CLEC17A: variants seen among roughly 807,000 people sequenced by gnomAD.
The protein encoded by CLEC17A is C-type lectin domain family 17, member A.
CLEC17A carries 37 observed loss-of-function variants against 61.3 expected under a neutral mutation model. The observed-to-expected ratio is 0.60, with a 90% CI of 0.46 to 0.79. The LOEUF (loss-of-function observed/expected upper bound fraction) is 0.79, where lower values mean the gene tolerates loss of function less well. CLEC17A is among the 30% of genes least tolerant of loss of function. CLEC17A has a pLI of 0.00. For synonymous variants in CLEC17A, 168 were observed against 164.9 expected (o/e 1.02, Z -0.14); for missense variants, 418 against 464.7 (o/e 0.90, Z 0.92).
At chr19:14,608,628 ATTTTTTTT>A (rs71166765) in intron 13 of CLEC17A, among the ~76,000 whole-genome samples, 4 of 119,728 alleles carry the variant, frequency 3.3e-5, no homozygotes, top group South Asian at 2.7e-4. Context: ...ATGAGGAAGA[ATTTTTTTT>A]TTTTTTTTTT....
At chr19:14,583,255 G>A in intron 1 of CLEC17A, 52 bp downstream of exon 1, 1 of 1,613,492 alleles carries the variant, frequency 6.2e-7, no homozygotes, top group Middle Eastern at 1.7e-4. Context: ...CAGGACCCAG[G>A]GTACAGAATC....
intron 10 of CLEC17A, among the ~76,000 whole-genome samples, chr19:14,597,867 GT>G (rs2146709375): frequency 6.6e-6 from 1 of 152,246 alleles, no homozygotes; most frequent in Non-Finnish European, 1.5e-5. Flanking sequence ...GCCTCCTGAA[GT>G]GTTTCGTGCC....
At chr19:14,598,907 C>G (rs2146713974) in intron 10 of CLEC17A, among the ~76,000 whole-genome samples, 1 of 152,038 alleles carries the variant, frequency 6.6e-6, no homozygotes, top group Middle Eastern at 3.4e-3. Context: ...CTGCAGTGAA[C>G]CACGATTGCA....
intron 12 of CLEC17A, 142 bp from the exon 13 acceptor site, chr19:14,606,851 G>C: frequency 2.8e-6 from 1 of 359,812 alleles, no homozygotes; most frequent in Non-Finnish European, 5.0e-6. Flanking sequence ...CATTGATCCT[G>C]TTCTGCATAC....
chr19:14,609,974 G>T, intron 13 of CLEC17A, 90 bp from the exon 14 acceptor site: 1 of 958,162 alleles, frequency 1.0e-6, no homozygotes, highest in South Asian at 1.5e-5. Flanking sequence ...CAAATGCGTA[G>T]TGCCAGGTAT....
In CLEC17A at chr19:14,592,498, C is replaced by G. The variant is rs1251842405; in HGVS notation, c.277+140C>G. 5 of 1,490,498 alleles carry G rather than the reference C, an allele frequency of 3.4e-6. No individual in the cohort carries two copies. The East Asian group carries it at 9.9e-5, about 29-fold the overall frequency. 92.3% of individuals were successfully genotyped at this position (1,490,498 alleles called of 1,614,324 possible). Reference sequence around the variant, plus strand: ...AGGCACTGTGCAACACACACCCTGCCCAGGAGGACCTGTCAGTCTGATGGC... The same window carrying G: ...AGGCACTGTGCAACACACACCCTGCGCAGGAGGACCTGTCAGTCTGATGGC... On this transcript the variant is annotated intron_variant, in intron 4 of 13. Transcript: ENST00000417570.
chr19:14,610,119 AAC>A lies in CLEC17A; in HGVS notation c.1062_1063del (p.Asn354LysfsTer7), dbSNP rs780486989. On this transcript the variant is annotated frameshift_variant, in exon 14 of 14. Coordinates refer to ENST00000417570, the MANE Select transcript of CLEC17A (RefSeq NM_001204118.2). LOFTEE classifies it high-confidence loss of function. ...NIHDEDCATM[N>X]KGGTWNDLSC... ...CCACGATGAGGACTGTGCTACCATG[AAC>A]AAAGGTGGCACCTGGAATGATCTCT... 1 of 1,611,642 alleles carries A rather than the reference AAC, an allele frequency of 6.2e-7. No homozygotes were observed. Among genetic ancestry groups the A allele is most frequent in the Non-Finnish European group, 8.5e-7 (1 of 1,178,890 alleles).
At chr19:14,608,800 AT>A (rs71166766) in intron 13 of CLEC17A, among the ~76,000 whole-genome samples, 358 of 131,326 alleles carry the variant, frequency 2.7e-3, no homozygotes, top group Admixed American at 4.3e-3. Context: ...TGCCTGGCTA[AT>A]TTTTTTTTTT....
chr19:14,583,376 G>C lies in CLEC17A; in HGVS notation c.63G>C (p.Glu21Asp). The change falls in exon 2 of 14, where the codon GAG becomes GAC. Residue 21 changes from glutamate to aspartate, a missense_variant. Glu to Asp is a conservative substitution (Grantham distance 45). Transcript: ENST00000417570. ...PDPPGTMEEE[E>D]EDDDYENSTP... ...TGGAAGGGACCATGGAGGAGGAGGA[G>C]GAGGATGATGACTATGAGAACTCAA... The C allele has an allele frequency of 1.2e-6, 2 of 1,611,998 alleles. No individual in the cohort carries two copies. The highest frequency in any genetic ancestry group is 2.2e-5 in the South Asian group (2 of 90,878).
intron 2 of CLEC17A, among the ~76,000 whole-genome samples, chr19:14,586,891 C>CTT (rs1056065617): frequency 2.9e-4 from 35 of 121,720 alleles, no homozygotes; most frequent in African/African-American, 1.4e-3. Context: ...TTCTTTCTTT[C>CTT]TTTTTTTTTT....
intron 13 of CLEC17A, among the ~76,000 whole-genome samples, chr19:14,608,481 T>C (rs2074958421): frequency 6.6e-6 from 1 of 151,880 alleles, no homozygotes; most frequent in African/African-American, 2.4e-5. Flanking sequence ...ACCAGGGTGA[T>C]TTTTTGGTGA....
chr19:14,599,636 T>G (rs772184818), intron 10 of CLEC17A, 81 bp from the exon 11 acceptor site: 1 of 985,188 alleles, frequency 1.0e-6, no homozygotes, highest in East Asian at 2.5e-5. Flanking sequence ...CTTGCTTCTC[T>G]CTCTGATGTG....
At chr19:14,590,321 T>G (rs1222951272) in intron 3 of CLEC17A, among the ~76,000 whole-genome samples, 7 of 152,170 alleles carry the variant, frequency 4.6e-5, no homozygotes, top group African/African-American at 1.7e-4. Flanking sequence ...CTCTGTTTTA[T>G]TAGGTTTAGA....
rs1354850667 is a variant in CLEC17A, at chr19:14,588,855, G to A, written c.199+1164G>A. ...TGTATATCCCCCATCTCTGAGTCCA[G>A]AGTGGGGCCACCTGGGAGGTCCAGA... is the stretch of plus-strand genomic sequence containing the variant. On this transcript the variant is annotated intron_variant, in intron 3 of 13. Transcript: ENST00000417570. 1.1e-4 allele frequency among the ~76,000 whole-genome samples: 16 copies of A among 151,912 alleles called. 1 individual carries two copies. The highest frequency in any genetic ancestry group is 8.3e-4 in the South Asian group (4 of 4,822).
intron 12 of CLEC17A, among the ~76,000 whole-genome samples, chr19:14,601,711 T>C (rs2074722803): frequency 6.6e-6 from 1 of 152,150 alleles, no homozygotes; most frequent in African/African-American, 2.4e-5. Context: ...CTCAAAGTCC[T>C]AGGCTCAAGC....
intron 3 of CLEC17A, among the ~76,000 whole-genome samples, chr19:14,590,410 C>T (rs932325053): frequency 5.5e-5 from 8 of 145,232 alleles, no homozygotes; most frequent in African/African-American, 1.8e-4. Context: ...TTTCTTGAGA[C>T]GGAGTTTCAC....
rs1201859254 is a variant in CLEC17A at position 14,597,023 on chromosome 19, G to T, written c.583+10G>T. The T allele has an allele frequency of 1.2e-6, 2 of 1,610,334 alleles. No individual in the cohort carries two copies. Among genetic ancestry groups the T allele is most frequent in the Non-Finnish European group, 8.5e-7 (1 of 1,178,262 alleles). Reference sequence around the variant, plus strand: ...GTGACCCTGATTAAGTGTGAGTAGGGCCAGGAAGGGACATGGGGAGAGATT... The same window carrying T: ...GTGACCCTGATTAAGTGTGAGTAGGTCCAGGAAGGGACATGGGGAGAGATT... On this transcript the variant is annotated intron_variant, in intron 9 of 13. Coordinates refer to ENST00000417570, the MANE Select transcript of CLEC17A (RefSeq NM_001204118.2).
chr19:14,584,807 G>T lies in CLEC17A; in HGVS notation c.121+1373G>T, dbSNP rs2074249565. 1.3e-5 allele frequency among the ~76,000 whole-genome samples: 2 copies of T among 151,696 alleles called. 1 individual carries two copies. Among genetic ancestry groups the T allele is most frequent in the South Asian group, 4.2e-4 (2 of 4,812 alleles). ...AGTCCTGTCCCCACATCCACATGCAGCCCAGCATCCACTCTCCAATCCAAC... is the reference window on the plus strand; with the variant it reads ...AGTCCTGTCCCCACATCCACATGCATCCCAGCATCCACTCTCCAATCCAAC... On this transcript the variant is annotated intron_variant, in intron 2 of 13. Transcript: ENST00000417570.
At chr19:14,605,186 C>T (rs2074826456) in intron 12 of CLEC17A, among the ~76,000 whole-genome samples, 1 of 151,976 alleles carries the variant, frequency 6.6e-6, no homozygotes, top group Admixed American at 6.6e-5. Flanking sequence ...CAACCTCCAC[C>T]TCCTGGTTTC....
Sources: gnomAD v4.1 joint callset for allele counts (sites outside exome capture counted in the v4.1 genomes callset) on GRCh38, gnomAD v4.1.1 for gene constraint, MANE v1.5 for transcripts, NCBI Gene and HGNC (gene_info 2026-07-23, HGNC 2026-07-21) for gene names.